Variants in HNRNPDL observed in about 807,000 individuals in gnomAD.
HNRNPDL encodes heterogeneous nuclear ribonucleoprotein D like, also known as heterogeneous nuclear ribonucleoprotein D-like.
In HNRNPDL, 18 loss-of-function variants were observed where a neutral mutation model predicts 48.0. The observed-to-expected ratio is 0.38, with a 90% CI of 0.26 to 0.56. The LOEUF (loss-of-function observed/expected upper bound fraction) is 0.56. HNRNPDL is among the 20% of genes least tolerant of loss of function. The probability of loss-of-function intolerance (pLI) is 0.77; values close to 1 mark genes in which losing one functional copy is unlikely to be tolerated. For missense variants in HNRNPDL, 553 were observed against 540.7 expected (o/e 1.02, Z -0.23); for synonymous variants, 306 against 207.3 (o/e 1.48, Z -4.09).
rs2110032065 is a variant in HNRNPDL, at chr4:82,429,665, T to A, written c.26A>T (p.His9Leu). MEVPPRLS[H>L]VPPPLFPSAP... Reference sequence around the variant, plus strand: ...GGAGGGGAACAATGGCGGCGGCACATGGGAAAGCCTGGGCGGGACCTCCAT... The same window carrying A: ...GGAGGGGAACAATGGCGGCGGCACAAGGGAAAGCCTGGGCGGGACCTCCAT... Residue 9 changes from histidine to leucine, a missense_variant, in exon 1 of 8, where the codon CAT (histidine) becomes CTT (leucine). Coordinates refer to ENST00000295470, the MANE Select transcript of HNRNPDL (RefSeq NM_031372.4). 7.4e-7 allele frequency: 1 copy of A among 1,358,984 alleles called. No individual in the cohort carries two copies. Among genetic ancestry groups the A allele is most frequent in the Non-Finnish European group, 9.5e-7 (1 of 1,056,722 alleles). 84.2% of individuals were successfully genotyped at this position (1,358,984 alleles called of 1,614,324 possible).
At position 82,429,728 on chromosome 4, in the gene HNRNPDL, G is replaced by A. The variant is rs1721634426; in HGVS notation, c.-38C>T. ...GGCAAGGAGAGAGGCCACGCGTGAG[G>A]GGACGCGGGCTTGGGAGAAGAGAAG... On this transcript the variant is annotated 5_prime_UTR_variant, in exon 1 of 8. Coordinates refer to ENST00000295470, the MANE Select transcript of HNRNPDL (RefSeq NM_031372.4). 1 of 1,316,068 alleles carries A rather than the reference G, an allele frequency of 7.6e-7. No individual in the cohort carries two copies. Among genetic ancestry groups the A allele is most frequent in the Non-Finnish European group, 9.7e-7 (1 of 1,030,170 alleles). The allele number at this position is 1,316,068 out of a possible 1,614,324, so 81.5% of individuals were successfully genotyped here.
chr4:82,429,730 G>C lies in HNRNPDL; in HGVS notation c.-40C>G. 7.6e-7 allele frequency: 1 copy of C among 1,311,594 alleles called. No homozygotes were observed. The highest frequency in any genetic ancestry group is 9.7e-7 in the Non-Finnish European group (1 of 1,026,410). The allele number at this position is 1,311,594 out of a possible 1,614,324, so 81.2% of individuals were successfully genotyped here. ...CAAGGAGAGAGGCCACGCGTGAGGG[G>C]ACGCGGGCTTGGGAGAAGAGAAGAA... is the stretch of plus-strand genomic sequence containing the variant. On this transcript the variant is annotated 5_prime_UTR_variant, in exon 1 of 8. Transcript: ENST00000295470.
In HNRNPDL at chr4:82,424,036, C is replaced by T. The variant is rs969414716; in HGVS notation, c.*870G>A. Reference sequence around the variant, plus strand: ...GAAAACACAACTAAATCTTATTTTGCCACTATTTTAATTTTTCGACCAAAC... The same window carrying T: ...GAAAACACAACTAAATCTTATTTTGTCACTATTTTAATTTTTCGACCAAAC... On this transcript the variant is annotated 3_prime_UTR_variant, in exon 8 of 8. Coordinates refer to ENST00000295470, the MANE Select transcript of HNRNPDL (RefSeq NM_031372.4). 2 of 152,162 alleles carry T rather than the reference C, an allele frequency of 1.3e-5. No individual in the cohort carries two copies. Among genetic ancestry groups the T allele is most frequent in the Non-Finnish European group, 2.9e-5 (2 of 68,024 alleles). 9.4% of individuals were successfully genotyped at this position (152,162 alleles called of 1,614,324 possible). A position where few individuals can be genotyped will look rare whatever the true frequency, so the allele number is the denominator to read the frequency against.
In HNRNPDL at chr4:82,423,480, T is replaced by C. The variant is rs905578305; in HGVS notation, c.*1426A>G. On this transcript the variant is annotated 3_prime_UTR_variant, in exon 8 of 8. Coordinates refer to ENST00000295470, the MANE Select transcript of HNRNPDL (RefSeq NM_031372.4). ...AGAGGCCAAGAGCATTATAATGTGA[T>C]AGCCCAGGAAGTAGAATCATTGTTA... 1 of 151,848 alleles carries C rather than the reference T, an allele frequency of 6.6e-6. No homozygotes were observed. The highest frequency in any genetic ancestry group is 1.5e-5 in the Non-Finnish European group (1 of 68,000). The allele number at this position is 151,848 out of a possible 1,614,324, so 9.4% of individuals were successfully genotyped here.
chr4:82,428,529 C>A, intron 1 of HNRNPDL, 83 bp from the exon 2 acceptor site: 1 of 1,121,690 alleles, frequency 8.9e-7, no homozygotes, highest in Non-Finnish European at 1.3e-6. Flanking sequence ...GAAATAAAAA[C>A]AGGGACATTT....
rs1196713057 is a variant in HNRNPDL at position 82,422,645 on chromosome 4, T to TA, written c.*2260_*2261insT. On this transcript the variant is annotated 3_prime_UTR_variant, in exon 8 of 8. Transcript: ENST00000295470. ...CAGATTAACATGTTAACCAAAGAAA[T>TA]TACTAAGGTGTTTTGTTAGGATAAC... 1.3e-5 allele frequency: 2 copies of TA among 152,132 alleles called. No homozygotes were observed. The highest frequency in any genetic ancestry group is 2.9e-5 in the Non-Finnish European group (2 of 68,026). 9.4% of individuals were successfully genotyped at this position (152,132 alleles called of 1,614,324 possible). A position where few individuals can be genotyped will look rare whatever the true frequency, so the allele number is the denominator to read the frequency against.
intron 6 of HNRNPDL, 46 bp from the exon 7 acceptor site, chr4:82,426,175 A>C: frequency 6.7e-7 from 1 of 1,499,272 alleles, no homozygotes; most frequent in Non-Finnish European, 9.3e-7. Flanking sequence ...TTTCTACAAA[A>C]CTTTCTTTAC....
Position 82,429,404 on chromosome 4 carries a change from T to TG in HNRNPDL, c.286dup (p.Gln96ProfsTer52). The TG allele has an allele frequency of 1.9e-6, 3 of 1,612,990 alleles. No individual in the cohort carries two copies. Among genetic ancestry groups the TG allele is most frequent in the Non-Finnish European group, 2.5e-6 (3 of 1,179,668 alleles). The stretch of plus-strand genomic sequence containing the variant: ...CGCGGCAGCAGCGGCGGCGGAGCGT[T>TG]GTATGGAGCTGGATTTAAAATGGCG... On this transcript the variant is annotated frameshift_variant, in exon 1 of 8. Transcript: ENST00000295470. LOFTEE classifies it high-confidence loss of function.
chr4:82,428,533 G>A (rs1232290285), intron 1 of HNRNPDL, 87 bp from the exon 2 acceptor site: 1 of 1,035,760 alleles, frequency 9.7e-7, no homozygotes, highest in Non-Finnish European at 1.4e-6. Flanking sequence ...TAAAAACAGG[G>A]ACATTTACCC....
chr4:82,427,887 A>G (rs1721484765), intron 3 of HNRNPDL, 131 bp downstream of exon 3: 3 of 876,064 alleles, frequency 3.4e-6, no homozygotes, highest in Admixed American at 5.5e-5. Context: ...AGGTACAGTC[A>G]CTGGAAGCGA....
rs1721244147 is a variant in HNRNPDL, at chr4:82,422,951, A to G, written c.*1955T>C. 6.6e-6 allele frequency: 1 copy of G among 152,196 alleles called. No homozygotes were observed. The highest frequency in any genetic ancestry group is 6.5e-5 in the Admixed American group (1 of 15,278). 9.4% of individuals were successfully genotyped at this position (152,196 alleles called of 1,614,324 possible). A position where few individuals can be genotyped will look rare whatever the true frequency, so the allele number is the denominator to read the frequency against. Reference sequence around the variant, plus strand: ...ATTAATCCTTGGGAACGAGATCTTGATAGTAGCTTCAGTTCATCCAACCTA... The same window carrying G: ...ATTAATCCTTGGGAACGAGATCTTGGTAGTAGCTTCAGTTCATCCAACCTA... On this transcript the variant is annotated 3_prime_UTR_variant, in exon 8 of 8. Coordinates refer to ENST00000295470, the MANE Select transcript of HNRNPDL (RefSeq NM_031372.4).
rs545987997 is a variant in HNRNPDL, at chr4:82,426,062, G to A, written c.1260C>T (p.Tyr420=). The A allele has an allele frequency of 6.8e-6, 11 of 1,609,410 alleles. No homozygotes were observed. The highest frequency in any genetic ancestry group is 3.3e-5 in the Admixed American group (2 of 60,002). The change falls in exon 7 of 8, where the codon TAC becomes TAT. Residue 420 remains tyrosine, a synonymous_variant. Transcript: ENST00000295470. ...CTGTTTTCTCCAATGTTCTCCTTTA[G>A]TATGGCTGGTAATTGTTTTGGTGAT... The part of the protein sequence containing the change: ...GGNHQNNYQP[Y]
Position 82,427,337 on chromosome 4 carries a change from A to G in HNRNPDL, c.907-33T>C, listed in dbSNP as rs188287711. On this transcript the variant is annotated intron_variant, in intron 4 of 7. Transcript: ENST00000295470. ...CAAAAAACATGAAAGTATAATTTTT[A>G]CCGAAGTTCTAAAATTAAATCATTT... The G allele has an allele frequency of 4.2e-4, 649 of 1,535,034 alleles. 2 individuals carry two copies. Among genetic ancestry groups the G allele is most frequent in the Non-Finnish European group, 5.0e-4 (567 of 1,134,218 alleles).
rs1468566638 is a variant in HNRNPDL, at chr4:82,430,384, C to G, written c.-694G>C. ...CGCGGGGCTCCTTTCTGCACGTGCC[C>G]CGGGCCTCTCCCGCTCGCTCAACCT... On this transcript the variant is annotated 5_prime_UTR_variant, in exon 1 of 8. Coordinates refer to ENST00000295470, the MANE Select transcript of HNRNPDL (RefSeq NM_031372.4). The G allele has an allele frequency of 5.8e-6, 1 of 173,872 alleles. No individual in the cohort carries two copies. Among genetic ancestry groups the G allele is most frequent in the East Asian group, 1.7e-4 (1 of 5,796 alleles). The allele number at this position is 173,872 out of a possible 1,614,324, so 10.8% of individuals were successfully genotyped here.
intron 6 of HNRNPDL, 69 bp downstream of exon 6, chr4:82,426,394 G>T (rs1721408459): frequency 1.4e-5 from 19 of 1,383,804 alleles, no homozygotes; most frequent in Non-Finnish European, 1.9e-5. Flanking sequence ...CACAATTTCA[G>T]AACAGGATTG....
chr4:82,424,435 GAGA>G lies in HNRNPDL; in HGVS notation c.*468_*470del. On this transcript the variant is annotated 3_prime_UTR_variant, in exon 8 of 8. Transcript: ENST00000295470. Reference sequence around the variant, plus strand: ...GTGTGGTAGAAATCTCAGTTACAGGGAGAAGATGAAGCCTTAAGAGCATAAAAT... The same window carrying G: ...GTGTGGTAGAAATCTCAGTTACAGGGAGATGAAGCCTTAAGAGCATAAAAT... 1 of 152,750 alleles carries G rather than the reference GAGA, an allele frequency of 6.5e-6. No individual in the cohort carries two copies. Among genetic ancestry groups the G allele is most frequent in the African/African-American group, 2.4e-5 (1 of 41,572 alleles). 9.5% of individuals were successfully genotyped at this position (152,750 alleles called of 1,614,324 possible). A position where few individuals can be genotyped will look rare whatever the true frequency, so the allele number is the denominator to read the frequency against.
At chr4:82,426,335 A>C (rs1475089063) in intron 6 of HNRNPDL, 128 bp downstream of exon 6, 1 of 899,504 alleles carries the variant, frequency 1.1e-6, no homozygotes. Flanking sequence ...TATGATTGTA[A>C]CATGCCTCAA....
rs374315691 is a variant in HNRNPDL at position 82,427,396 on chromosome 4, A to T, written c.906+37T>A. On this transcript the variant is annotated intron_variant, in intron 4 of 7. Transcript: ENST00000295470. ...TCCACATCAAGAAATTATTTCAATTATTTAAATTTTCATTTAAAGTGCTTA... is the reference window on the plus strand; with the variant it reads ...TCCACATCAAGAAATTATTTCAATTTTTTAAATTTTCATTTAAAGTGCTTA... 5 of 1,543,278 alleles carry T rather than the reference A, an allele frequency of 3.2e-6. No individual in the cohort carries two copies. The African/African-American group carries it at 5.6e-5, about 17-fold the overall frequency.
chr4:82,428,955 A>G (rs1033356914), intron 1 of HNRNPDL, among the ~76,000 whole-genome samples: 16 of 152,310 alleles, frequency 1.1e-4, no homozygotes, highest in African/African-American at 3.1e-4. Flanking sequence ...TGCAGCGTGC[A>G]GCGCTGGGAG....
Sources: allele counts gnomAD v4.1 joint callset (sites outside exome capture counted in the v4.1 genomes callset), GRCh38; gene constraint gnomAD v4.1.1; transcripts MANE v1.5; gene names NCBI Gene and HGNC (gene_info 2026-07-23, HGNC 2026-07-21).